Variants in EMP2 observed in about 807,000 individuals in gnomAD.
EMP2 encodes epithelial membrane protein 2.
A neutral mutation model predicts 13.7 loss-of-function variants in EMP2; 19 were observed. The observed-to-expected ratio is 1.38, with a 90% CI of 0.97 to 2.03. The LOEUF is 2.03. Ranked by LOEUF, EMP2 falls within the 30% of genes most tolerant of loss-of-function variation. The probability of loss-of-function intolerance (pLI) is 0.00; values close to 1 mark genes in which losing one functional copy is unlikely to be tolerated. For missense variants in EMP2, 253 were observed against 220.7 expected, an observed-to-expected ratio of 1.15 and a Z score of -0.93; for synonymous variants, 97 against 84.7, an observed-to-expected ratio of 1.15 and a Z score of -0.80.
At chr16:10,539,437 G>A (rs1296790969) in intron 3 of EMP2, among the ~76,000 whole-genome samples, 1 of 152,074 alleles carries the variant, frequency 6.6e-6, no homozygotes, top group African/African-American at 2.4e-5. Flanking sequence ...GAGTCAGACC[G>A]GCTCCCCCAC....
At chr16:10,554,028 T>C (rs1255000053) in intron 1 of EMP2, among the ~76,000 whole-genome samples, 1 of 127,338 alleles carries the variant, frequency 7.9e-6, no homozygotes, top group African/African-American at 2.8e-5. Flanking sequence ...CTTTTTTTTC[T>C]TTCTTTCTTT....
rs1335980751 is a variant in EMP2, at chr16:10,531,095, C to A, written c.*1810G>T. On this transcript the variant is annotated 3_prime_UTR_variant, in exon 5 of 5. Coordinates refer to ENST00000359543, the MANE Select transcript of EMP2 (RefSeq NM_001424.6). ...CAAGCGATTCTCCTGCCTCAGCCTCCTAAGTAGCTGGGATTACAGGCACCT... is the reference window on the plus strand; with the variant it reads ...CAAGCGATTCTCCTGCCTCAGCCTCATAAGTAGCTGGGATTACAGGCACCT... 6.6e-6 allele frequency: 1 copy of A among 152,130 alleles called. No homozygotes were observed. Among genetic ancestry groups the A allele is most frequent in the African/African-American group, 2.4e-5 (1 of 41,404 alleles). 9.4% of individuals were successfully genotyped at this position (152,130 alleles called of 1,614,324 possible).
In EMP2 at chr16:10,568,044, A is replaced by G. The variant is rs913791430; in HGVS notation, c.-61+12505T>C. ...TCAGGAAGCCCAGAGCTATAGAATAAAGGAAGACAGACACAGAAAACACAG... is the reference window on the plus strand; with the variant it reads ...TCAGGAAGCCCAGAGCTATAGAATAGAGGAAGACAGACACAGAAAACACAG... On this transcript the variant is annotated intron_variant, in intron 1 of 4. Transcript: ENST00000359543. Among the ~76,000 whole-genome samples, 3 of 152,320 alleles carry G rather than the reference A, an allele frequency of 2.0e-5. No individual in the cohort carries two copies. The East Asian group carries it at 5.8e-4, about 29-fold the overall frequency.
At position 10,568,875 on chromosome 16, in the gene EMP2, C is replaced by A. The variant is rs1047920562; in HGVS notation, c.-61+11674G>T. Among the ~76,000 whole-genome samples, 3 of 148,622 alleles carry A rather than the reference C, an allele frequency of 2.0e-5. No homozygotes were observed. The East Asian group carries it at 5.9e-4, about 29-fold the overall frequency. ...AATGTCGGCTCACTGCAACCTCTGC[C>A]TCCCGGGTTCAAGCAATTCTTCTGC... On this transcript the variant is annotated intron_variant, in intron 1 of 4. Transcript: ENST00000359543.
chr16:10,577,009 C>A (rs17672866), intron 1 of EMP2, among the ~76,000 whole-genome samples: 57,634 of 152,018 alleles, frequency 0.38, 11,408 homozygotes, highest in Non-Finnish European at 0.41. Context: ...GAAATCCAGC[C>A]TCCTGGACAG....
chr16:10,553,381 G>A (rs2050803402), intron 1 of EMP2, among the ~76,000 whole-genome samples: 1 of 152,074 alleles, frequency 6.6e-6, no homozygotes, highest in African/African-American at 2.4e-5. Flanking sequence ...GCCTCGTCCC[G>A]CCCCTCACTC....
chr16:10,547,835 C>A (rs946833384), intron 1 of EMP2, among the ~76,000 whole-genome samples, 158 bp from the exon 2 acceptor site: 1 of 151,944 alleles, frequency 6.6e-6, no homozygotes, highest in African/African-American at 2.4e-5. Flanking sequence ...GAGATTGAGA[C>A]CAGCCCAGGC....
rs2050609658 is a variant in EMP2 at position 10,532,259 on chromosome 16, A to T, written c.*646T>A. ...CGAGTCTAAATCTGGCACGCAGGTT[A>T]AGGATGACCATTCCTAAGGCAAGCA... On this transcript the variant is annotated 3_prime_UTR_variant, in exon 5 of 5. Transcript: ENST00000359543. 6.5e-6 allele frequency: 1 copy of T among 154,584 alleles called. No individual in the cohort carries two copies. The allele number at this position is 154,584 out of a possible 1,614,324, so 9.6% of individuals were successfully genotyped here.
chr16:10,547,996 T>G lies in EMP2; in HGVS notation c.-60-319A>C, dbSNP rs894479956. On this transcript the variant is annotated intron_variant, in intron 1 of 4. Transcript: ENST00000359543. ...ACGCAGTGAGCCATAATTGCGCCAC[T>G]GCACTCCAGCCTGGGCAACAAAGCA... is the stretch of plus-strand genomic sequence containing the variant. 6.6e-5 allele frequency among the ~76,000 whole-genome samples: 10 copies of G among 152,086 alleles called. No individual in the cohort carries two copies. The East Asian group carries it at 1.7e-3, about 26-fold the overall frequency.
chr16:10,542,447 C>CA (rs914247887), intron 3 of EMP2, among the ~76,000 whole-genome samples: 15 of 143,362 alleles, frequency 1.0e-4, no homozygotes, highest in African/African-American at 3.9e-4. Context: ...ACCCTCCCCC[C>CA]CCACCAACAA....
At chr16:10,571,821 G>A (rs1171298856) in intron 1 of EMP2, among the ~76,000 whole-genome samples, 1 of 152,220 alleles carries the variant, frequency 6.6e-6, no homozygotes, top group Non-Finnish European at 1.5e-5. Context: ...AGAGACAGAG[G>A]ACTGCTCCAG....
chr16:10,563,958 T>C (rs2050890154), intron 1 of EMP2, among the ~76,000 whole-genome samples: 2 of 152,254 alleles, frequency 1.3e-5, no homozygotes, highest in Admixed American at 1.3e-4. Flanking sequence ...CAGGAAAGAA[T>C]TCAAGGGTGA....
rs183869065 is a variant in EMP2 at position 10,535,796 on chromosome 16, C to G, written c.316+2132G>C. Among the ~76,000 whole-genome samples the G allele has an allele frequency of 5.9e-5, 9 of 152,278 alleles. No homozygotes were observed. The East Asian group carries it at 1.7e-3, about 29-fold the overall frequency. On this transcript the variant is annotated intron_variant, in intron 4 of 4. Transcript: ENST00000359543. The stretch of plus-strand genomic sequence containing the variant: ...GGTCCACGCCTCTAACTGGCAGATA[C>G]AGAGACAGTAAAGGAGGGGGATCAG...
intron 1 of EMP2, among the ~76,000 whole-genome samples, chr16:10,575,866 G>A (rs561078157): frequency 1.3e-5 from 2 of 152,084 alleles, no homozygotes; most frequent in African/African-American, 4.8e-5. Context: ...TGCAGGTCTC[G>A]GTCTGAAGCT....
At chr16:10,559,685 ATTTT>A (rs560333728) in intron 1 of EMP2, among the ~76,000 whole-genome samples, 37 of 152,088 alleles carry the variant, frequency 2.4e-4, no homozygotes, top group African/African-American at 7.0e-4. Context: ...CTTTATTTTT[ATTTT>A]TTTGAGACAG....
rs1567213036 is a variant in EMP2, at chr16:10,579,738, A to ACC, written c.-61+809_-61+810dup. 4.8e-3 allele frequency among the ~76,000 whole-genome samples: 691 copies of ACC among 145,196 alleles called. 9 individuals carry two copies. Among genetic ancestry groups the ACC allele is most frequent in the Middle Eastern group, 0.014 (4 of 286 alleles). On this transcript the variant is annotated intron_variant, in intron 1 of 4. Transcript: ENST00000359543. ...CACACACACACACACACACACACAC[A>ACC]CCCTCAAAGCTTGGGAGGGGCAGTG...
Position 10,529,678 on chromosome 16 carries a change from C to T in EMP2, c.*3227G>A, listed in dbSNP as rs927186798. 4 of 152,176 alleles carry T rather than the reference C, an allele frequency of 2.6e-5. No individual in the cohort carries two copies. Among genetic ancestry groups the T allele is most frequent in the African/African-American group, 9.7e-5 (4 of 41,414 alleles). 9.4% of individuals were successfully genotyped at this position (152,176 alleles called of 1,614,324 possible). A position where few individuals can be genotyped will look rare whatever the true frequency, so the allele number is the denominator to read the frequency against. On this transcript the variant is annotated 3_prime_UTR_variant, in exon 5 of 5. Coordinates refer to ENST00000359543, the MANE Select transcript of EMP2 (RefSeq NM_001424.6). The stretch of plus-strand genomic sequence containing the variant: ...AGACGCAGTGGCTCATGCCTGTAAT[C>T]CCAGCACTTTGGAAGGCTGAGGTGG...
intron 1 of EMP2, among the ~76,000 whole-genome samples, chr16:10,558,466 A>G (rs1168660429): frequency 1.5e-5 from 2 of 134,648 alleles, no homozygotes; most frequent in African/African-American, 6.3e-5. Context: ...CCTTAGTCCA[A>G]TGTTTGCTTA....
At chr16:10,577,870 C>T (rs2050994499) in intron 1 of EMP2, among the ~76,000 whole-genome samples, 1 of 152,034 alleles carries the variant, frequency 6.6e-6, no homozygotes, top group Non-Finnish European at 1.5e-5. Flanking sequence ...CCTGCCCTGT[C>T]CCCACCTTAG....
Sources: allele counts gnomAD v4.1 joint callset (sites outside exome capture counted in the v4.1 genomes callset), GRCh38; gene constraint gnomAD v4.1.1; transcripts MANE v1.5; gene names NCBI Gene and HGNC (gene_info 2026-07-23, HGNC 2026-07-21).